Variants in CLOCK observed in about 807,000 individuals in gnomAD.
CLOCK encodes clock circadian regulator.
A neutral mutation model predicts 118.4 loss-of-function variants in CLOCK; 43 were observed. The ratio of observed to expected loss-of-function variants is 0.36; its 90% confidence interval spans 0.28 to 0.47. The LOEUF (loss-of-function observed/expected upper bound fraction) is 0.47, where lower values mean the gene tolerates loss of function less well. CLOCK is among the 20% of genes least tolerant of loss of function. CLOCK has a pLI of 1.00. For missense variants in CLOCK, 846 were observed against 999.9 expected (o/e 0.85, Z 2.08); for synonymous variants, 326 against 339.2 (o/e 0.96, Z 0.43).
At chr4:55,469,711 T>G (rs1194322368) in intron 8 of CLOCK, among the ~76,000 whole-genome samples, 1 of 152,130 alleles carries the variant, frequency 6.6e-6, no homozygotes, top group African/African-American at 2.4e-5. Context: ...AGCTATATGA[T>G]ATATTTGTGT....
At chr4:55,508,002 C>T (rs909214847) in intron 2 of CLOCK, among the ~76,000 whole-genome samples, 2 of 152,046 alleles carry the variant, frequency 1.3e-5, no homozygotes, top group African/African-American at 4.8e-5. Context: ...GGTAAATGTG[C>T]CCCGAGTCAC....
chr4:55,454,613 CAAAAAAAAAAAAAA>C (rs10566273), intron 13 of CLOCK, among the ~76,000 whole-genome samples: 5 of 69,488 alleles, frequency 7.2e-5, no homozygotes, highest in East Asian at 5.3e-4. Flanking sequence ...GACTCCATCC[CAAAAAAAAAAAAAA>C]AAAAAAAAAA....
chr4:55,542,145 A>C (rs1731307199), intron 1 of CLOCK, among the ~76,000 whole-genome samples: 1 of 148,834 alleles, frequency 6.7e-6, no homozygotes, highest in South Asian at 2.2e-4. Flanking sequence ...GTTTGAGACC[A>C]GCCCGGCCAA....
chr4:55,543,427 AAGGC>A (rs1731409102), intron 1 of CLOCK, among the ~76,000 whole-genome samples: 1 of 152,204 alleles, frequency 6.6e-6, no homozygotes, highest in Admixed American at 6.5e-5. Context: ...TTCCGTTTTC[AAGGC>A]TGAAAAGAAC....
At chr4:55,438,162 A>T in intron 22 of CLOCK, 120 bp downstream of exon 22, 3 of 1,283,974 alleles carry the variant, frequency 2.3e-6, no homozygotes, top group East Asian at 4.7e-5. Flanking sequence ...GTAGAGATTT[A>T]AACTGTACAA....
chr4:55,469,644 T>C (rs1725995503), intron 8 of CLOCK, among the ~76,000 whole-genome samples: 1 of 152,172 alleles, frequency 6.6e-6, no homozygotes, highest in Non-Finnish European at 1.5e-5. Flanking sequence ...AAAAAAGTTT[T>C]TTAAATAGAA....
chr4:55,505,148 C>T (rs1728717655), intron 2 of CLOCK, among the ~76,000 whole-genome samples: 1 of 128,480 alleles, frequency 7.8e-6, no homozygotes, highest in African/African-American at 2.6e-5. Flanking sequence ...CTCTGTCCCC[C>T]TCACCCCCCC....
chr4:55,460,886 C>T (rs1725287135), intron 9 of CLOCK, among the ~76,000 whole-genome samples: 1 of 151,860 alleles, frequency 6.6e-6, no homozygotes, highest in African/African-American at 2.4e-5. Flanking sequence ...CACATCAAGT[C>T]CTATTGAGTT....
intron 8 of CLOCK, among the ~76,000 whole-genome samples, chr4:55,468,261 G>A (rs1274715064): frequency 1.3e-5 from 2 of 152,072 alleles, no homozygotes; most frequent in South Asian, 2.1e-4. Flanking sequence ...CACCCAGAGA[G>A]AGGCATTATA....
At chr4:55,458,746 G>A in intron 11 of CLOCK, 146 bp downstream of exon 11, 1 of 641,510 alleles carries the variant, frequency 1.6e-6, no homozygotes, top group Non-Finnish European at 2.8e-6. Context: ...AATTTAATGA[G>A]TGTCTTGATA....
chr4:55,545,408 C>A, intron 1 of CLOCK: 1 of 152,322 alleles, frequency 6.6e-6, no homozygotes, highest in Non-Finnish European at 1.5e-5. Context: ...TTTCTCTAAT[C>A]GCTTAAAGCT....
intron 14 of CLOCK, 96 bp downstream of exon 14, chr4:55,453,581 T>C (rs1724662354): frequency 1.0e-6 from 1 of 996,100 alleles, no homozygotes. Context: ...AAAAGAGCAC[T>C]TTGTAGCTCT....
rs1246754839 is a variant in CLOCK at position 55,429,324 on chromosome 4, G to T, written c.*6091C>A. The T allele has an allele frequency of 2.0e-5, 3 of 152,166 alleles. No homozygotes were observed. Among genetic ancestry groups the T allele is most frequent in the Non-Finnish European group, 4.4e-5 (3 of 68,036 alleles). 9.4% of individuals were successfully genotyped at this position (152,166 alleles called of 1,614,324 possible). On this transcript the variant is annotated 3_prime_UTR_variant, in exon 23 of 23. Coordinates refer to ENST00000513440, the MANE Select transcript of CLOCK (RefSeq NM_004898.4). ...TGCTTTAACTACCGTTCTCTAAGTTGTGTGCTATACCTAGCCTGTGGGACT... is the reference window on the plus strand; with the variant it reads ...TGCTTTAACTACCGTTCTCTAAGTTTTGTGCTATACCTAGCCTGTGGGACT...
At chr4:55,531,897 ATGTT>A in intron 1 of CLOCK, among the ~76,000 whole-genome samples, 1 of 133,282 alleles carries the variant, frequency 7.5e-6, no homozygotes. Flanking sequence ...GATTTTTTAA[ATGTT>A]AAAAAAAACA....
intron 6 of CLOCK, among the ~76,000 whole-genome samples, chr4:55,477,975 T>C (rs1197094807): frequency 6.6e-6 from 1 of 152,058 alleles, no homozygotes; most frequent in Non-Finnish European, 1.5e-5. Flanking sequence ...GGTAATGTCA[T>C]TAGTGAAATT....
At chr4:55,511,538 T>A (rs1417956773) in intron 1 of CLOCK, among the ~76,000 whole-genome samples, 1 of 152,124 alleles carries the variant, frequency 6.6e-6, no homozygotes, top group African/African-American at 2.4e-5. Context: ...TCCCATTGAC[T>A]CCATTAATGC....
chr4:55,470,416 A>G (rs1726052666), intron 8 of CLOCK, among the ~76,000 whole-genome samples: 2 of 152,240 alleles, frequency 1.3e-5, no homozygotes, highest in South Asian at 4.1e-4. Flanking sequence ...CTAAGTGCGT[A>G]GTAGGTTACA....
chr4:55,529,062 G>T (rs1481737210), intron 1 of CLOCK, among the ~76,000 whole-genome samples: 2 of 152,154 alleles, frequency 1.3e-5, no homozygotes, highest in Non-Finnish European at 1.5e-5. Flanking sequence ...ATATAATCAA[G>T]ATGGTCCTTT....
intron 2 of CLOCK, among the ~76,000 whole-genome samples, chr4:55,508,439 T>C (rs1728942507): frequency 6.6e-6 from 1 of 152,204 alleles, no homozygotes; most frequent in South Asian, 2.1e-4. Flanking sequence ...GAAAAAAGTA[T>C]AATTAAGTCA....
Sources: allele counts gnomAD v4.1 joint callset (sites outside exome capture counted in the v4.1 genomes callset), GRCh38; gene constraint gnomAD v4.1.1; transcripts MANE v1.5; gene names NCBI Gene and HGNC (gene_info 2026-07-23, HGNC 2026-07-21).